COL5A1: variants seen among roughly 807,000 people sequenced by gnomAD.
The protein encoded by COL5A1 is collagen alpha-1(V) chain.
In COL5A1, 16 loss-of-function variants were observed where a neutral mutation model predicts 263.7. That is an observed-to-expected ratio of 0.06 (90% CI 0.04 to 0.09). The LOEUF (loss-of-function observed/expected upper bound fraction) is 0.09. Among genes scored for constraint, COL5A1 ranks in the 10% least tolerant of loss-of-function variants. COL5A1 has a pLI of 1.00. For synonymous variants in COL5A1, 1,012 were observed against 1,004.5 expected (o/e 1.01, Z -0.14); for missense variants, 2,036 against 2,540.5 (o/e 0.80, Z 4.27).
At chr9:134,832,063 GAGACCAGC>G in intron 64 of COL5A1, among the ~76,000 whole-genome samples, 1 of 152,050 alleles carries the variant, frequency 6.6e-6, no homozygotes, top group African/African-American at 2.4e-5. Flanking sequence ...CCAGGAGTTT[GAGACCAGC>G]CTGGGCAACA....
At chr9:134,770,005 G>A (rs766262589) in intron 25 of COL5A1, among the ~76,000 whole-genome samples, 17 of 152,180 alleles carry the variant, frequency 1.1e-4, no homozygotes, top group Non-Finnish European at 1.9e-4. Flanking sequence ...TTCTTTGGGG[G>A]AAGGAAAGGC....
chr9:134,809,315 T>C (rs758972849), intron 43 of COL5A1, 25 bp downstream of exon 43: 2 of 1,515,838 alleles, frequency 1.3e-6, no homozygotes, highest in Admixed American at 3.5e-5. Flanking sequence ...GAGTGACCCA[T>C]GGCTGGGCCT....
At chr9:134,726,784 G>A (rs1199013108) in intron 4 of COL5A1, among the ~76,000 whole-genome samples, 1 of 151,288 alleles carries the variant, frequency 6.6e-6, no homozygotes, top group Non-Finnish European at 1.5e-5. Flanking sequence ...GTAGATGGAT[G>A]GAAGCATGTA....
chr9:134,797,549 C>A (rs746263271), intron 36 of COL5A1, among the ~76,000 whole-genome samples: 135 of 152,326 alleles, frequency 8.9e-4, no homozygotes, highest in Non-Finnish European at 1.5e-3. Context: ...TTGGCTCGAT[C>A]TCGGCTCACT....
intron 1 of COL5A1, among the ~76,000 whole-genome samples, chr9:134,685,442 TGTCCATCATC>T (rs1564386493): frequency 1.1e-3 from 1 of 898 alleles, no homozygotes; most frequent in African/African-American, 6.3e-3. Flanking sequence ...ATCCATCCAT[TGTCCATCATC>T]CATCCATCCA....
At chr9:134,809,889 C>T (rs951780214) in intron 43 of COL5A1, among the ~76,000 whole-genome samples, 1 of 152,134 alleles carries the variant, frequency 6.6e-6, no homozygotes, top group Non-Finnish European at 1.5e-5. Context: ...AGCCTTGCAC[C>T]GACAGGAACA....
intron 4 of COL5A1, 68 bp from the exon 5 acceptor site, chr9:134,727,197 CT>C: frequency 6.5e-7 from 1 of 1,536,744 alleles, no homozygotes; most frequent in East Asian, 2.3e-5. Flanking sequence ...AGGCATGGGG[CT>C]GTGTCTCCCA....
At chr9:134,824,014 CATGT>C (rs1275485464) in intron 61 of COL5A1, among the ~76,000 whole-genome samples, 2 of 142,982 alleles carry the variant, frequency 1.4e-5, no homozygotes, top group East Asian at 4.1e-4. Flanking sequence ...GATATATGTG[CATGT>C]GTGTGTGTGT....
chr9:134,729,528 G>C (rs557046664), intron 6 of COL5A1, among the ~76,000 whole-genome samples: 1 of 151,438 alleles, frequency 6.6e-6, no homozygotes, highest in African/African-American at 2.4e-5. Context: ...GTGTGTGAGC[G>C]TGTGTGCATG....
intron 26 of COL5A1, 87 bp from the exon 27 acceptor site, chr9:134,774,772 G>T (rs1356672418): frequency 5.9e-6 from 8 of 1,357,402 alleles, no homozygotes; most frequent in Non-Finnish European, 8.3e-6. Flanking sequence ...CAGCAGGAGG[G>T]GTATGCCGAA....
chr9:134,704,651 T>C (rs969870431), intron 4 of COL5A1, among the ~76,000 whole-genome samples: 7 of 152,154 alleles, frequency 4.6e-5, no homozygotes, highest in African/African-American at 1.7e-4. Context: ...TGACCACAAG[T>C]TGTTAATGGT....
At chr9:134,760,467 A>G (rs1314064996) in intron 18 of COL5A1, among the ~76,000 whole-genome samples, 1 of 97,906 alleles carries the variant, frequency 1.0e-5, no homozygotes, top group Non-Finnish European at 1.9e-5. Context: ...ACACACCCCC[A>G]CATTCATACA....
At chr9:134,781,450 G>C (rs1211441953) in intron 28 of COL5A1, among the ~76,000 whole-genome samples, 3 of 152,234 alleles carry the variant, frequency 2.0e-5, no homozygotes, top group Admixed American at 2.0e-4. Context: ...CCCCATCCCA[G>C]AATTCCATCC....
At chr9:134,779,119 G>A (rs1362333251) in intron 27 of COL5A1, among the ~76,000 whole-genome samples, 1 of 152,244 alleles carries the variant, frequency 6.6e-6, no homozygotes, top group Non-Finnish European at 1.5e-5. Context: ...CTGTGGCCCC[G>A]GCTTCAGCCT....
In COL5A1 at chr9:134,811,410, A is replaced by G; in HGVS notation, c.3582+18A>G. Reference sequence around the variant, plus strand: ...GCCCCTCTGTGAGTATCCATGGTCAATGACCTTCGAAAAGCCCCACGCCCC... The same window carrying G: ...GCCCCTCTGTGAGTATCCATGGTCAGTGACCTTCGAAAAGCCCCACGCCCC... On this transcript the variant is annotated intron_variant, in intron 45 of 65. Coordinates refer to ENST00000371817, the MANE Select transcript of COL5A1 (RefSeq NM_000093.5). 6.2e-7 allele frequency: 1 copy of G among 1,613,820 alleles called. No homozygotes were observed. Among genetic ancestry groups the G allele is most frequent in the Non-Finnish European group, 8.5e-7 (1 of 1,179,896 alleles).
chr9:134,719,924 A>G (rs960927490), intron 4 of COL5A1, among the ~76,000 whole-genome samples: 13 of 152,138 alleles, frequency 8.5e-5, no homozygotes, highest in African/African-American at 2.9e-4. Context: ...GCAGGGCATC[A>G]GGTTGGTTCC....
chr9:134,732,519 C>T (rs762942222), intron 9 of COL5A1: 11 of 359,546 alleles, frequency 3.1e-5, no homozygotes, highest in South Asian at 6.2e-5. Flanking sequence ...AAGATGCGCG[C>T]GGCAGTGGTA....
intron 64 of COL5A1, among the ~76,000 whole-genome samples, chr9:134,831,236 G>A (rs890813238): frequency 2.0e-5 from 3 of 152,210 alleles, no homozygotes; most frequent in African/African-American, 7.2e-5. Context: ...CTCATAACCT[G>A]AAGGCATTCA....
chr9:134,698,466 A>G lies in COL5A1; in HGVS notation c.278-1443A>G, dbSNP rs558879078. Among the ~76,000 whole-genome samples the G allele has an allele frequency of 6.5e-4, 99 of 152,330 alleles. 2 individuals are homozygous for G. Among genetic ancestry groups the G allele is most frequent in the African/African-American group, 2.2e-3 (91 of 41,570 alleles). ...TGGGGGCCTTGGAGGGTTTGCCTGG[A>G]GTAGTGGCCCCTCATTTTGCAGAAC... On this transcript the variant is annotated intron_variant, in intron 2 of 65. Transcript: ENST00000371817.
Sources: gnomAD v4.1 joint callset for allele counts (sites outside exome capture counted in the v4.1 genomes callset) on GRCh38, gnomAD v4.1.1 for gene constraint, MANE v1.5 for transcripts, NCBI Gene and HGNC (gene_info 2026-07-23, HGNC 2026-07-21) for gene names.